ANKRD11: variants seen among roughly 807,000 people sequenced by gnomAD.
The protein encoded by ANKRD11 is ankyrin repeat domain-containing protein 11.
ANKRD11 carries 17 observed loss-of-function variants against 195.7 expected under a neutral mutation model. That is an observed-to-expected ratio of 0.09 (90% confidence interval 0.06 to 0.13). The LOEUF (loss-of-function observed/expected upper bound fraction) is 0.13, where lower values mean the gene tolerates loss of function less well. Ranked by LOEUF, ANKRD11 falls within the 10% of genes least tolerant of loss-of-function variation. ANKRD11 has a pLI of 1.00. For missense variants in ANKRD11, 3,735 were observed against 3,566.1 expected (o/e 1.05, Z -1.21); for synonymous variants, 1,953 against 1,528.1 (o/e 1.28, Z -6.49).
chr16:89,331,255 G>A (rs147253318), intron 2 of ANKRD11, among the ~76,000 whole-genome samples: 2 of 152,300 alleles, frequency 1.3e-5, no homozygotes, highest in Admixed American at 1.3e-4. Flanking sequence ...CGCCCGGCCT[G>A]ATGAAATACA....
Position 89,280,077 on chromosome 16 carries a change from G to T in ANKRD11, c.6465C>A (p.Pro2155=). Reference sequence around the variant, plus strand: ...CTGGAGGAGCAAGACTTTCTTCCACGGGTTCCGCTTCACCATCTGCGGCAT... The same window carrying T: ...CTGGAGGAGCAAGACTTTCTTCCACTGGTTCCGCTTCACCATCTGCGGCAT... ...TKDAADGEAE[P]VEESLAPPEE... is the part of the protein sequence containing the mutation. The change falls in exon 9 of 13, where the codon CCC becomes CCA. Residue 2155 remains proline, a synonymous_variant. Coordinates refer to ENST00000301030, the MANE Select transcript of ANKRD11 (RefSeq NM_013275.6). The T allele has an allele frequency of 6.2e-7, 1 of 1,613,084 alleles. No homozygotes were observed. The highest frequency in any genetic ancestry group is 8.5e-7 in the Non-Finnish European group (1 of 1,179,940).
chr16:89,297,773 A>G (rs2035541338), intron 4 of ANKRD11: 2 of 151,996 alleles, frequency 1.3e-5, no homozygotes, highest in Admixed American at 6.5e-5. Context: ...TCTCCTTCCA[A>G]TCTCCAGGTT....
chr16:89,307,356 C>A (rs1167773500), intron 3 of ANKRD11, among the ~76,000 whole-genome samples: 1 of 152,184 alleles, frequency 6.6e-6, no homozygotes, highest in Non-Finnish European at 1.5e-5. Flanking sequence ...ATCCACCCAA[C>A]CTGCATCCAC....
rs541192149 is a variant in ANKRD11, at chr16:89,451,663, A to T, written c.-144-33295T>A. Among the ~76,000 whole-genome samples, 58 of 152,104 alleles carry T rather than the reference A, an allele frequency of 3.8e-4. 1 individual carries two copies. In the South Asian group the frequency reaches 5.8e-3, roughly 15 times the overall value. ...AACTCCTGACCTCAGGTGATCTGCA[A>T]GCCTCGGCCTCCCAAAGTGCTGGGA... On this transcript the variant is annotated intron_variant, in intron 1 of 12. Coordinates refer to ENST00000301030, the MANE Select transcript of ANKRD11 (RefSeq NM_013275.6).
chr16:89,291,935 G>C lies in ANKRD11; in HGVS notation c.227-752C>G. ...AACTCACGTGCTGTGTCTTTTAAAA[G>C]AGGCAGGAGGCAGGGGCGGGGAAGA... On this transcript the variant is annotated intron_variant, in intron 4 of 12. Transcript: ENST00000301030. This position sits in a 1 kb window ranked among gnomAD's most constrained non-coding sequence, Gnocchi z 5.3. The C allele has an allele frequency of 2.3e-6, 1 of 428,818 alleles. No individual in the cohort carries two copies. Among genetic ancestry groups the C allele is most frequent in the South Asian group, 1.8e-5 (1 of 55,880 alleles). 26.6% of individuals were successfully genotyped at this position (428,818 alleles called of 1,614,324 possible).
intron 4 of ANKRD11, among the ~76,000 whole-genome samples, chr16:89,296,876 G>A (rs2035472384): frequency 1.3e-5 from 2 of 152,226 alleles, no homozygotes; most frequent in African/African-American, 4.8e-5. Context: ...CCACCAGAGG[G>A]CAGGAATGGG....
At chr16:89,460,072 C>G (rs1227944384) in intron 1 of ANKRD11, among the ~76,000 whole-genome samples, 1 of 151,920 alleles carries the variant, frequency 6.6e-6, no homozygotes, top group Non-Finnish European at 1.5e-5. Context: ...TCCGTCTCTA[C>G]TAAAAATACA....
intron 1 of ANKRD11, among the ~76,000 whole-genome samples, chr16:89,432,928 G>C (rs888855185): frequency 2.0e-5 from 3 of 147,772 alleles, no homozygotes; most frequent in Non-Finnish European, 3.0e-5. Context: ...CTCCAGCCAT[G>C]GGTGACAGAG....
chr16:89,331,077 C>G (rs1440374898), intron 2 of ANKRD11, among the ~76,000 whole-genome samples: 1 of 152,192 alleles, frequency 6.6e-6, no homozygotes, highest in Non-Finnish European at 1.5e-5. Flanking sequence ...CCTCAGCCTC[C>G]TGAGTAGCTG....
intron 1 of ANKRD11, among the ~76,000 whole-genome samples, chr16:89,434,253 A>AT (rs1476648921): frequency 2.0e-5 from 3 of 152,040 alleles, no homozygotes; most frequent in Non-Finnish European, 4.4e-5. Context: ...GTGAACTGCA[A>AT]TTTTTTTAAT....
At chr16:89,296,691 C>T (rs527902842) in intron 4 of ANKRD11, among the ~76,000 whole-genome samples, 2 of 152,362 alleles carry the variant, frequency 1.3e-5, no homozygotes, top group East Asian at 1.9e-4. Context: ...AGCTTTCTTC[C>T]TCAACGTCTT....
intron 1 of ANKRD11, among the ~76,000 whole-genome samples, chr16:89,463,484 A>G (rs2056774573): frequency 6.6e-6 from 1 of 152,154 alleles, no homozygotes; most frequent in Admixed American, 6.5e-5. Flanking sequence ...ATACTCGTTA[A>G]GAGTCATCAC....
intron 4 of ANKRD11, chr16:89,300,968 CAGGGAGAAG>C: frequency 1.5e-6 from 1 of 669,308 alleles, no homozygotes; most frequent in Non-Finnish European, 2.7e-6. Context: ...CGGTCCTAGG[CAGGGAGAAG>C]CGAGACTCAG....
At chr16:89,352,778 G>A (rs1034190495) in intron 2 of ANKRD11, among the ~76,000 whole-genome samples, 70 of 152,310 alleles carry the variant, frequency 4.6e-4, no homozygotes, top group African/African-American at 1.5e-3. Context: ...TCTTGAGTGC[G>A]TTTCCTATGT....
intron 9 of ANKRD11, among the ~76,000 whole-genome samples, chr16:89,277,030 TG>T (rs1186625407): frequency 2.0e-5 from 3 of 146,932 alleles, no homozygotes; most frequent in African/African-American, 7.6e-5. Context: ...CACTCCAGCC[TG>T]GGTGACAGAG....
intron 3 of ANKRD11, chr16:89,313,711 C>G (rs1279558640): frequency 1.4e-5 from 11 of 791,170 alleles, no homozygotes; most frequent in Admixed American, 2.6e-5. Context: ...ATGTGTGCAC[C>G]TGAGTTCTGG....
intron 2 of ANKRD11, among the ~76,000 whole-genome samples, chr16:89,376,409 G>A (rs551676079): frequency 2.0e-5 from 3 of 152,284 alleles, no homozygotes; most frequent in East Asian, 1.9e-4. Flanking sequence ...GAATATCATC[G>A]AGGAAAAAGG....
At chr16:89,459,868 G>C (rs1048977051) in intron 1 of ANKRD11, among the ~76,000 whole-genome samples, 1 of 151,256 alleles carries the variant, frequency 6.6e-6, no homozygotes, top group African/African-American at 2.4e-5. Context: ...AGGAAGTCGA[G>C]ATTGCAGTGA....
chr16:89,482,980 G>A (rs542180189), intron 1 of ANKRD11, among the ~76,000 whole-genome samples: 20 of 152,282 alleles, frequency 1.3e-4, no homozygotes, highest in African/African-American at 3.6e-4. Flanking sequence ...GATCATGTTA[G>A]GCTTCTAATC....
Sources: allele counts gnomAD v4.1 joint callset (sites outside exome capture counted in the v4.1 genomes callset), GRCh38; gene constraint gnomAD v4.1.1; non-coding constraint Gnocchi (gnomAD v3.1); transcripts MANE v1.5; gene names NCBI Gene and HGNC (gene_info 2026-07-23, HGNC 2026-07-21).